The following CHD9 variants were observed in gnomAD, a reference collection of about 807,000 sequenced individuals.
CHD9 encodes chromodomain helicase DNA binding protein 9, also known as ATP-dependent chromatin remodeler CHD9.
Under a neutral mutation model 316.1 loss-of-function variants are expected in CHD9, and 77 were observed. That is an observed-to-expected ratio of 0.24 (90% CI 0.20 to 0.29). CHD9 has a LOEUF of 0.29. Ranked by LOEUF, CHD9 falls within the 10% of genes least tolerant of loss-of-function variation. CHD9 has a pLI of 1.00. For synonymous variants in CHD9, 1,129 were observed against 1,158.3 expected (o/e 0.97, Z 0.51); for missense variants, 2,763 against 3,438.1 (o/e 0.80, Z 4.91).
chr16:53,255,494 TGCAGTTTAA>T (rs1232759629), intron 18 of CHD9, 97 bp from the exon 19 acceptor site: 3 of 919,656 alleles, frequency 3.3e-6, no homozygotes, highest in Admixed American at 5.3e-5. Context: ...CAAACCCAAA[TGCAGTTTAA>T]GCATGCCTCT....
At chr16:53,159,701 C>T (rs558687767) in intron 2 of CHD9, among the ~76,000 whole-genome samples, 108 of 152,292 alleles carry the variant, frequency 7.1e-4, no homozygotes, top group African/African-American at 2.5e-3. Context: ...CCTCTGCCTC[C>T]CAGGTTCAAG....
At chr16:53,172,699 T>G (rs181618958) in intron 2 of CHD9, among the ~76,000 whole-genome samples, 4 of 152,324 alleles carry the variant, frequency 2.6e-5, no homozygotes, top group Non-Finnish European at 5.9e-5. Context: ...GTCACTGTTT[T>G]TAATTTTAGC....
At chr16:53,064,442 TG>T (rs1427699319) in intron 1 of CHD9, among the ~76,000 whole-genome samples, 1 of 151,952 alleles carries the variant, frequency 6.6e-6, no homozygotes, top group Non-Finnish European at 1.5e-5. Flanking sequence ...AGGGTGTGAT[TG>T]GGGTGACTGA....
intron 1 of CHD9, among the ~76,000 whole-genome samples, chr16:53,077,709 A>C (rs576184233): frequency 1.3e-5 from 2 of 152,324 alleles, no homozygotes; most frequent in Non-Finnish European, 2.9e-5. Context: ...CTAGTTGATG[A>C]ATTCAGTACC....
intron 2 of CHD9, among the ~76,000 whole-genome samples, chr16:53,193,758 T>C (rs1368171223): frequency 6.6e-6 from 1 of 152,176 alleles, no homozygotes; most frequent in Non-Finnish European, 1.5e-5. Flanking sequence ...TGAAATCCTT[T>C]AGTTGAATGA....
At chr16:53,300,545 G>A (rs2055285873) in intron 30 of CHD9, among the ~76,000 whole-genome samples, 1 of 152,192 alleles carries the variant, frequency 6.6e-6, no homozygotes, top group South Asian at 2.1e-4. Flanking sequence ...CAGGCTAGAA[G>A]GTGGCATGGC....
At chr16:53,162,628 T>C (rs923889581) in intron 2 of CHD9, among the ~76,000 whole-genome samples, 2 of 146,474 alleles carry the variant, frequency 1.4e-5, no homozygotes, top group Non-Finnish European at 3.1e-5. Context: ...GATATACTCA[T>C]ACATAATGTT....
At chr16:53,218,986 A>T (rs555171427) in intron 3 of CHD9, among the ~76,000 whole-genome samples, 11 of 152,254 alleles carry the variant, frequency 7.2e-5, no homozygotes, top group South Asian at 6.2e-4. Context: ...GGATGTAGCA[A>T]ATATTCACAA....
intron 20 of CHD9, among the ~76,000 whole-genome samples, chr16:53,265,610 G>T (rs534058592): frequency 6.6e-6 from 1 of 152,060 alleles, no homozygotes; most frequent in Non-Finnish European, 1.5e-5. Flanking sequence ...TGGGAAGAGC[G>T]TTATAATCCT....
chr16:53,200,474 A>T (rs1597399028), intron 2 of CHD9, among the ~76,000 whole-genome samples: 1 of 151,862 alleles, frequency 6.6e-6, no homozygotes, highest in East Asian at 1.9e-4. Flanking sequence ...GCTTGAACCC[A>T]GGGAGTGGAG....
intron 17 of CHD9, among the ~76,000 whole-genome samples, chr16:53,252,256 C>A (rs1010045948): frequency 6.6e-6 from 1 of 152,132 alleles, no homozygotes; most frequent in Non-Finnish European, 1.5e-5. Flanking sequence ...CACGTACTTA[C>A]AGCCAACTGA....
intron 2 of CHD9, among the ~76,000 whole-genome samples, chr16:53,184,643 G>T (rs1302751705): frequency 6.6e-6 from 1 of 152,120 alleles, no homozygotes; most frequent in Non-Finnish European, 1.5e-5. Flanking sequence ...CAATGGAGTG[G>T]TGTTTAAAAG....
At chr16:53,276,617 T>A (rs1048625180) in intron 24 of CHD9, among the ~76,000 whole-genome samples, 9 of 152,192 alleles carry the variant, frequency 5.9e-5, no homozygotes, top group Non-Finnish European at 8.8e-5. Context: ...GCAAACCTTG[T>A]GCAGCATGGA....
intron 2 of CHD9, among the ~76,000 whole-genome samples, chr16:53,192,863 TGTATTCACAAGTTAAAGG>T (rs2044587738): frequency 2.0e-5 from 3 of 152,338 alleles, no homozygotes; most frequent in Admixed American, 2.0e-4. Flanking sequence ...AAATTGTTTA[TGTATTCACAAGTTAAAGG>T]GTATTTGGGT....
At chr16:53,154,385 G>A (rs1278733474) in intron 1 of CHD9, among the ~76,000 whole-genome samples, 2 of 152,162 alleles carry the variant, frequency 1.3e-5, no homozygotes, top group Non-Finnish European at 2.9e-5. Context: ...CTTAATCATT[G>A]TATCAAGTAT....
chr16:53,221,058 TTTAAGG>T (rs2047193867), intron 3 of CHD9, among the ~76,000 whole-genome samples: 1 of 152,216 alleles, frequency 6.6e-6, no homozygotes. Flanking sequence ...ACTATGATAC[TTTAAGG>T]TTAGGAACTG....
chr16:53,207,358 G>T (rs2045968667), intron 2 of CHD9, among the ~76,000 whole-genome samples: 1 of 152,144 alleles, frequency 6.6e-6, no homozygotes, highest in South Asian at 2.1e-4. Flanking sequence ...AAAATAGAAG[G>T]TTAGGAGGAA....
chr16:53,175,069 G>A (rs1463397650), intron 2 of CHD9, among the ~76,000 whole-genome samples: 1 of 152,188 alleles, frequency 6.6e-6, no homozygotes, highest in Non-Finnish European at 1.5e-5. Flanking sequence ...CGCCTTGTGA[G>A]TCCTCTACCG....
chr16:53,311,796 C>A (rs751671759), intron 34 of CHD9: 1 of 152,188 alleles, frequency 6.6e-6, no homozygotes, highest in East Asian at 1.9e-4. Flanking sequence ...TGACATTGAG[C>A]AAGTGGCTTA....
Sources: gnomAD v4.1 joint callset for allele counts (sites outside exome capture counted in the v4.1 genomes callset) on GRCh38, gnomAD v4.1.1 for gene constraint, MANE v1.5 for transcripts, NCBI Gene and HGNC (gene_info 2026-07-23, HGNC 2026-07-21) for gene names.